DPYD: variants seen among roughly 807,000 people sequenced by gnomAD.
The protein encoded by DPYD is dihydropyrimidine dehydrogenase [NADP(+)].
DPYD carries 109 observed loss-of-function variants against 116.2 expected under a neutral mutation model. The ratio of observed to expected loss-of-function variants is 0.94; its 90% CI spans 0.80 to 1.10. The LOEUF (loss-of-function observed/expected upper bound fraction) is 1.10, where lower values mean the gene tolerates loss of function less well. Ranked by LOEUF, DPYD falls within the 50% of genes least tolerant of loss-of-function variation. The pLI is 0.00. For missense variants in DPYD, 1,302 were observed against 1,254.5 expected (o/e 1.04, Z -0.57); for synonymous variants, 440 against 432.0 (o/e 1.02, Z -0.23).
At chr1:97,552,742 T>C in intron 11 of DPYD, among the ~76,000 whole-genome samples, 1 of 152,190 alleles carries the variant, frequency 6.6e-6, no homozygotes, top group African/African-American at 2.4e-5. Context: ...TGATACTCTA[T>C]TCTAAAATAG....
intron 20 of DPYD, among the ~76,000 whole-genome samples, chr1:97,109,130 A>T (rs970361916): frequency 4.1e-4 from 62 of 152,258 alleles, no homozygotes; most frequent in African/African-American, 1.5e-3. Context: ...ACTATTTAAA[A>T]TAGGAAAAGC....
intron 2 of DPYD, among the ~76,000 whole-genome samples, chr1:97,842,162 G>C (rs1670071266): frequency 6.6e-6 from 1 of 151,798 alleles, no homozygotes; most frequent in Admixed American, 6.6e-5. Flanking sequence ...GCTACACAGG[G>C]AAAGATGTTA....
chr1:97,776,157 A>G (rs1666397806), intron 3 of DPYD, among the ~76,000 whole-genome samples: 2 of 151,896 alleles, frequency 1.3e-5, no homozygotes, highest in Admixed American at 6.6e-5. Flanking sequence ...CTTTATCAAG[A>G]GCTGATCAAA....
intron 3 of DPYD, among the ~76,000 whole-genome samples, chr1:97,824,429 G>A (rs1571420366): frequency 6.6e-6 from 1 of 152,070 alleles, no homozygotes; most frequent in South Asian, 2.1e-4. Context: ...GGGCAGCACA[G>A]AACAAACCAC....
intron 3 of DPYD, among the ~76,000 whole-genome samples, chr1:97,809,360 G>T (rs188113918): frequency 6.6e-6 from 1 of 152,126 alleles, no homozygotes; most frequent in Non-Finnish European, 1.5e-5. Context: ...TAATTGATCT[G>T]AAGTTTGTAT....
At chr1:97,382,582 G>T (rs1194657559) in intron 14 of DPYD, 121 bp from the exon 15 acceptor site, 5 of 555,288 alleles carry the variant, frequency 9.0e-6, no homozygotes, top group South Asian at 4.2e-5. Context: ...TTTTCAAACT[G>T]TGAAAAAATA....
intron 16 of DPYD, among the ~76,000 whole-genome samples, chr1:97,338,985 A>G (rs1224303010): frequency 1.3e-5 from 2 of 152,302 alleles, no homozygotes; most frequent in Non-Finnish European, 1.5e-5. Flanking sequence ...AGTATTCTCA[A>G]AGAGATACAA....
chr1:97,780,325 T>G (rs1449187427), intron 3 of DPYD, among the ~76,000 whole-genome samples: 1 of 152,176 alleles, frequency 6.6e-6, no homozygotes, highest in Non-Finnish European at 1.5e-5. Flanking sequence ...GAGAAAAAAG[T>G]TGACAATTCA....
intron 19 of DPYD, among the ~76,000 whole-genome samples, chr1:97,204,320 T>G (rs995906303): frequency 3.9e-5 from 6 of 152,200 alleles, no homozygotes; most frequent in African/African-American, 1.4e-4. Flanking sequence ...TTTTTTTGGC[T>G]TTTTGTTTTA....
chr1:97,283,017 T>C (rs1384450957), intron 18 of DPYD, among the ~76,000 whole-genome samples: 1 of 152,170 alleles, frequency 6.6e-6, no homozygotes, highest in Non-Finnish European at 1.5e-5. Flanking sequence ...AGTGCTGTGA[T>C]GAACACATGT....
At chr1:97,085,584 C>CA (rs745881377) in intron 21 of DPYD, among the ~76,000 whole-genome samples, 17 of 151,710 alleles carry the variant, frequency 1.1e-4, no homozygotes, top group Admixed American at 5.2e-4. Flanking sequence ...GAAAGAGTAG[C>CA]AAAAAAAATT....
At chr1:97,420,993 G>A (rs1674552272) in intron 14 of DPYD, among the ~76,000 whole-genome samples, 2 of 152,140 alleles carry the variant, frequency 1.3e-5, no homozygotes, top group Non-Finnish European at 2.9e-5. Context: ...TGTGAGCACT[G>A]TGACAGCAGG....
chr1:97,457,189 C>T (rs899121217), intron 13 of DPYD, among the ~76,000 whole-genome samples: 3 of 142,888 alleles, frequency 2.1e-5, no homozygotes, highest in Admixed American at 6.9e-5. Context: ...GCTTAAAAGA[C>T]GGGAATAATA....
At chr1:97,298,828 T>C (rs761351943) in intron 18 of DPYD, among the ~76,000 whole-genome samples, 1 of 152,140 alleles carries the variant, frequency 6.6e-6, no homozygotes, top group African/African-American at 2.4e-5. Flanking sequence ...GAGTGATTGA[T>C]AGCCTAATCC....
In DPYD at chr1:97,410,581, T is replaced by C. The variant is rs189295613; in HGVS notation, c.1906-28120A>G. ...TTTTAAACATCCGGAGATAAGACTT[T>C]AAAAAATATGCCATCGGAAAGGGTA... On this transcript the variant is annotated intron_variant, in intron 14 of 22. Coordinates refer to ENST00000370192, the MANE Select transcript of DPYD (RefSeq NM_000110.4). 1.1e-3 allele frequency among the ~76,000 whole-genome samples: 161 copies of C among 152,270 alleles called. 1 individual carries two copies. Among genetic ancestry groups the C allele is most frequent in the Non-Finnish European group, 1.8e-3 (120 of 68,012 alleles).
chr1:97,147,445 C>A (rs1254183900), intron 20 of DPYD, among the ~76,000 whole-genome samples: 1 of 152,122 alleles, frequency 6.6e-6, no homozygotes, highest in Non-Finnish European at 1.5e-5. Context: ...ATGAAAGAAT[C>A]CCTTACATTT....
At chr1:97,685,766 CAACT>C (rs1477711359) in intron 7 of DPYD, among the ~76,000 whole-genome samples, 1 of 152,086 alleles carries the variant, frequency 6.6e-6, no homozygotes, top group Non-Finnish European at 1.5e-5. Flanking sequence ...CCTAGAAATA[CAACT>C]AACAAGGAAA....
At chr1:97,127,831 A>G (rs1185741784) in intron 20 of DPYD, among the ~76,000 whole-genome samples, 2 of 152,152 alleles carry the variant, frequency 1.3e-5, no homozygotes, top group African/African-American at 4.8e-5. Flanking sequence ...ACTCATGGCT[A>G]AACTCCACTG....
At chr1:97,132,245 C>T (rs991454100) in intron 20 of DPYD, among the ~76,000 whole-genome samples, 1 of 152,058 alleles carries the variant, frequency 6.6e-6, no homozygotes, top group Non-Finnish European at 1.5e-5. Context: ...TCGTTCCTGG[C>T]GTTAATACTT....
Sources: allele counts gnomAD v4.1 joint callset (sites outside exome capture counted in the v4.1 genomes callset), GRCh38; gene constraint gnomAD v4.1.1; transcripts MANE v1.5; gene names NCBI Gene and HGNC (gene_info 2026-07-23, HGNC 2026-07-21).